Variants in PFKFB2 observed in about 807,000 individuals in gnomAD.
PFKFB2 encodes 6-phosphofructo-2-kinase/fructose-2,6-biphosphatase 2, also known as 6-phosphofructo-2-kinase/fructose-2,6-bisphosphatase 2.
In PFKFB2, 53 loss-of-function variants were observed where a neutral mutation model predicts 68.0. The observed-to-expected ratio is 0.78, with a 90% CI of 0.63 to 0.98. The LOEUF (loss-of-function observed/expected upper bound fraction) is 0.98. Ranked by LOEUF, PFKFB2 falls within the 50% of genes least tolerant of loss-of-function variation. The pLI is 0.00. For synonymous variants in PFKFB2, 222 were observed against 227.6 expected (o/e 0.98, Z 0.22); for missense variants, 451 against 642.0 (o/e 0.70, Z 3.22).
At chr1:207,060,960 A>ATATATATATCTATATATCTATATATC (rs1558059271) in intron 2 of PFKFB2, 4 of 138,024 alleles carry the variant, frequency 2.9e-5, no homozygotes, top group Non-Finnish European at 4.6e-5. Context: ...GCTAAGTTAA[A>ATATATATATCTATATATCTATATATC]TATATATATC....
At chr1:207,049,882 T>C (rs1207101164), upstream of PFKFB2, among the ~76,000 whole-genome samples, 1 of 152,220 alleles carries the variant, frequency 6.6e-6, no homozygotes, top group Non-Finnish European at 1.5e-5. Flanking sequence ...GTAAGAATCT[T>C]TGTTCACTGA....
At chr1:207,035,289 A>C (rs1173448047) in intron 1 of PFKFB2, 1 of 652,608 alleles carries the variant, frequency 1.5e-6, no homozygotes, top group Non-Finnish European at 1.9e-6. Context: ...CTTCCCTCTA[A>C]GTGCACATGC....
chr1:207,051,110 C>A (rs974882823), upstream of PFKFB2: 23 of 1,428,488 alleles, frequency 1.6e-5, no homozygotes, highest in Non-Finnish European at 2.1e-5. Context: ...AGCGCGAACT[C>A]TTTTAAAGTG....
upstream of PFKFB2, chr1:207,050,911 G>C: frequency 1.9e-6 from 3 of 1,602,748 alleles, no homozygotes; most frequent in Non-Finnish European, 2.6e-6. Context: ...CGGTCCGGCT[G>C]CCCACAGGCC....
chr1:207,053,502 C>CCA (rs966403191), intron 1 of PFKFB2, 136 bp downstream of exon 1: 1 of 152,686 alleles, frequency 6.5e-6, no homozygotes, highest in African/African-American at 2.4e-5. Context: ...GGACCGGGAG[C>CCA]CACAGTCTGT....
chr1:207,078,873 G>A, downstream of PFKFB2: 1 of 1,173,286 alleles, frequency 8.5e-7, no homozygotes, highest in South Asian at 1.2e-5. Flanking sequence ...GGGAAGGTAG[G>A]GGAAGGATTC....
intron 10 of PFKFB2, among the ~76,000 whole-genome samples, chr1:207,069,136 C>T (rs1683393218): frequency 6.6e-6 from 1 of 152,138 alleles, no homozygotes; most frequent in Non-Finnish European, 1.5e-5. Context: ...GCTTCCTGTT[C>T]CTTTTAGCCT....
At chr1:207,054,184 G>A (rs1682846150) in intron 1 of PFKFB2, among the ~76,000 whole-genome samples, 1 of 152,000 alleles carries the variant, frequency 6.6e-6, no homozygotes, top group Non-Finnish European at 1.5e-5. Flanking sequence ...TTCCAGGAGT[G>A]AGCCACCGTG....
intron 2 of PFKFB2, among the ~76,000 whole-genome samples, chr1:207,061,196 TA>T (rs1683105501): frequency 8.7e-6 from 1 of 114,412 alleles, no homozygotes; most frequent in Non-Finnish European, 1.8e-5. Context: ...TATATATATA[TA>T]TATATTTTAA....
upstream of PFKFB2, chr1:207,049,512 G>A (rs918786042): frequency 6.8e-6 from 11 of 1,614,038 alleles, no homozygotes; most frequent in Non-Finnish European, 9.3e-6. Flanking sequence ...TTTGTGCTAT[G>A]AGGCGTCTCA....
chr1:207,062,078 G>C lies in PFKFB2; in HGVS notation c.211G>C (p.Val71Leu), dbSNP rs1683135374. The C allele has an allele frequency of 1.2e-6, 2 of 1,614,024 alleles. No homozygotes were observed. Among genetic ancestry groups the C allele is most frequent in the Admixed American group, 1.7e-5 (1 of 60,004 alleles). The change falls in exon 3 of 15, where the codon GTG (valine) becomes CTG (leucine). Residue 71 changes from valine to leucine, a missense_variant and splice_region_variant. Coordinates refer to ENST00000367080, the MANE Select transcript of PFKFB2 (RefSeq NM_006212.2). ...CAACTGGATTGGAGTCCCCACCAAA[G>C]GTAAGTGTGGCTCATTCCCTAGGAA... ...YLNWIGVPTK[V>L]FNLGVYRREA...
chr1:207,062,744 A>G, intron 4 of PFKFB2, 28 bp downstream of exon 4: 7 of 1,603,656 alleles, frequency 4.4e-6, no homozygotes, highest in Non-Finnish European at 6.0e-6. Flanking sequence ...CCTGATCTCC[A>G]GGTCAGCTCT....
chr1:207,041,965 T>C (rs1026413183), intron 1 of PFKFB2, among the ~76,000 whole-genome samples: 18 of 152,222 alleles, frequency 1.2e-4, no homozygotes, highest in African/African-American at 4.1e-4. Context: ...ACTACCTCCA[T>C]TACTAATGTA....
In PFKFB2 at chr1:207,074,056, C is replaced by T; in HGVS notation, c.*1685C>T. The T allele has an allele frequency of 1.1e-6, 1 of 901,322 alleles. No homozygotes were observed. The highest frequency in any genetic ancestry group is 1.3e-6 in the Non-Finnish European group (1 of 753,294). 55.8% of individuals were successfully genotyped at this position (901,322 alleles called of 1,614,324 possible). A position where few individuals can be genotyped will look rare whatever the true frequency, so the allele number is the denominator to read the frequency against. On this transcript the variant is annotated 3_prime_UTR_variant, in exon 15 of 15. Coordinates refer to ENST00000367080, the MANE Select transcript of PFKFB2 (RefSeq NM_006212.2). ...TAGGATTGTTGAATCATAAACATGCCTGTGTCCACCTTATGCTTAATACTG... is the reference window on the plus strand; with the variant it reads ...TAGGATTGTTGAATCATAAACATGCTTGTGTCCACCTTATGCTTAATACTG...
At position 207,076,854 on chromosome 1, in the gene PFKFB2, G is replaced by T; in HGVS notation, c.*4483G>T. On this transcript the variant is annotated 3_prime_UTR_variant, in exon 15 of 15. Coordinates refer to ENST00000367080, the MANE Select transcript of PFKFB2 (RefSeq NM_006212.2). Reference sequence around the variant, plus strand: ...ACGGTCTAGGGTCTGTAAGCTGACAGTCTGCCTGCTTTCTGATTGTATCCA... The same window carrying T: ...ACGGTCTAGGGTCTGTAAGCTGACATTCTGCCTGCTTTCTGATTGTATCCA... 2 of 985,322 alleles carry T rather than the reference G, an allele frequency of 2.0e-6. No homozygotes were observed. Among genetic ancestry groups the T allele is most frequent in the Non-Finnish European group, 2.4e-6 (2 of 829,834 alleles). 61.0% of individuals were successfully genotyped at this position (985,322 alleles called of 1,614,324 possible).
At chr1:207,049,006 CATT>C (rs1439299948), upstream of PFKFB2, 8 of 1,606,874 alleles carry the variant, frequency 5.0e-6, no homozygotes, top group South Asian at 8.9e-5. Context: ...CTTCAACCCT[CATT>C]CATGCATAGG....
intron 2 of PFKFB2, among the ~76,000 whole-genome samples, chr1:207,061,419 A>G (rs1683113838): frequency 6.6e-6 from 1 of 151,590 alleles, no homozygotes; most frequent in African/African-American, 2.4e-5. Flanking sequence ...GGAAAGACGT[A>G]TCTTGGTTTG....
chr1:207,068,125 T>TGTGTGTGTG (rs773336423), intron 9 of PFKFB2, 38 bp from the exon 10 acceptor site: 2 of 1,573,780 alleles, frequency 1.3e-6, no homozygotes, highest in Non-Finnish European at 1.7e-6. Flanking sequence ...TGTCTGTGTG[T>TGTGTGTGTG]TTTCTTTTTA....
chr1:207,041,698 G>A (rs193294435), intron 1 of PFKFB2, among the ~76,000 whole-genome samples: 141 of 152,258 alleles, frequency 9.3e-4, no homozygotes, highest in Non-Finnish European at 3.2e-4. Flanking sequence ...AAACATATGT[G>A]TGCATGTGTC....
Sources: allele counts gnomAD v4.1 joint callset (sites outside exome capture counted in the v4.1 genomes callset), GRCh38; gene constraint gnomAD v4.1.1; transcripts MANE v1.5; gene names NCBI Gene and HGNC (gene_info 2026-07-23, HGNC 2026-07-21).